Variants in PIGK observed in about 807,000 individuals in gnomAD.
PIGK encodes the protein GPI-anchor transamidase.
A neutral mutation model predicts 50.6 loss-of-function variants in PIGK; 42 were observed. The ratio of observed to expected loss-of-function variants is 0.83; its 90% CI spans 0.65 to 1.07. The LOEUF is 1.07. Ranked by LOEUF, PIGK falls within the 50% of genes least tolerant of loss-of-function variation. The probability of loss-of-function intolerance (pLI) is 0.00; values close to 1 mark genes in which losing one functional copy is unlikely to be tolerated. For synonymous variants in PIGK, 151 were observed against 156.0 expected (o/e 0.97, Z 0.24); for missense variants, 448 against 488.7 (o/e 0.92, Z 0.78).
At position 77,218,067 on chromosome 1, in the gene PIGK, A is replaced by G. The variant is rs561759706; in HGVS notation, c.93+1243T>C. On this transcript the variant is annotated intron_variant, in intron 1 of 10. Transcript: ENST00000370812. ...TAAATATATATGAAGTTCATGCTCA[A>G]TATCTTTTTTTAACTGATAGGGTGT... is the stretch of plus-strand genomic sequence containing the variant. Among the ~76,000 whole-genome samples the G allele has an allele frequency of 6.6e-5, 10 of 152,280 alleles. No individual in the cohort carries two copies. In the South Asian group the frequency reaches 2.1e-3, roughly 32 times the overall value.
intron 3 of PIGK, among the ~76,000 whole-genome samples, chr1:77,186,437 TG>T (rs1241597499): frequency 6.6e-6 from 1 of 152,242 alleles, no homozygotes; most frequent in African/African-American, 2.4e-5. Flanking sequence ...TACTGATTCA[TG>T]GGCTGTAGCC....
In PIGK at chr1:77,134,699, T is replaced by A. The variant is rs553811453; in HGVS notation, c.987-12340A>T. ...ATTCTCAGTCCTCATTGCTTCTACA[T>A]CTGATATTTTTAAAAATACGATTTA... On this transcript the variant is annotated intron_variant, in intron 9 of 10. Coordinates refer to ENST00000370812, the MANE Select transcript of PIGK (RefSeq NM_005482.3). 2.3e-4 allele frequency among the ~76,000 whole-genome samples: 35 copies of A among 152,234 alleles called. No homozygotes were observed. In the East Asian group the frequency reaches 5.6e-3, roughly 24 times the overall value.
At chr1:77,127,510 G>A (rs184994054) in intron 9 of PIGK, among the ~76,000 whole-genome samples, 2 of 152,242 alleles carry the variant, frequency 1.3e-5, no homozygotes, top group African/African-American at 4.8e-5. Context: ...ACCAGCCTGG[G>A]TTACATAGTG....
At chr1:77,192,134 C>CA (rs563797637) in intron 3 of PIGK, among the ~76,000 whole-genome samples, 4,317 of 134,336 alleles carry the variant, frequency 0.032, 75 homozygotes, top group Middle Eastern at 0.039. Context: ...GACCCTGTCT[C>CA]AAAAAAAAAA....
At chr1:77,153,705 A>G (rs1654944298) in intron 9 of PIGK, 1 of 152,148 alleles carries the variant, frequency 6.6e-6, no homozygotes, top group Non-Finnish European at 1.5e-5. Context: ...TTATTCCTAC[A>G]ACATTCATAA....
chr1:77,195,072 T>C (rs1656000265), intron 3 of PIGK: 13 of 958,154 alleles, frequency 1.4e-5, no homozygotes, highest in South Asian at 2.5e-5. Context: ...ACACTGCCCA[T>C]AGCAGGAACA....
intron 10 of PIGK, among the ~76,000 whole-genome samples, chr1:77,109,960 C>G (rs1338346954): frequency 6.6e-6 from 1 of 152,096 alleles, no homozygotes; most frequent in African/African-American, 2.4e-5. Flanking sequence ...TTCTTACACA[C>G]CAATAACAGA....
chr1:77,153,673 C>T (rs1298792506), intron 9 of PIGK: 1 of 151,890 alleles, frequency 6.6e-6, no homozygotes, highest in Admixed American at 6.6e-5. Flanking sequence ...CAAAGAAAAG[C>T]ATCTTGTGCC....
chr1:77,214,414 C>CT (rs1385378084), intron 1 of PIGK, among the ~76,000 whole-genome samples: 1 of 152,084 alleles, frequency 6.6e-6, no homozygotes, highest in African/African-American at 2.4e-5. Flanking sequence ...ATATGACTGT[C>CT]TCAGTAGACA....
rs780400967 is a variant in PIGK at position 77,122,228 on chromosome 1, C to A, written c.1071+47G>T. On this transcript the variant is annotated intron_variant, in intron 10 of 10. Coordinates refer to ENST00000370812, the MANE Select transcript of PIGK (RefSeq NM_005482.3). ...CCTAACAAAAGCAATTACTTCTCAG[C>A]GATTAAAAATCTTGTTTCTTTCAAA... 136 of 1,198,982 alleles carry A rather than the reference C, an allele frequency of 1.1e-4. 1 individual carries two copies. The highest frequency in any genetic ancestry group is 1.9e-4 in the Middle Eastern group (1 of 5,250). 74.3% of individuals were successfully genotyped at this position (1,198,982 alleles called of 1,614,324 possible). A position where few individuals can be genotyped will look rare whatever the true frequency, so the allele number is the denominator to read the frequency against.
intron 3 of PIGK, among the ~76,000 whole-genome samples, chr1:77,187,670 TTAG>T (rs2100573299): frequency 6.6e-6 from 1 of 152,324 alleles, no homozygotes; most frequent in African/African-American, 2.4e-5. Flanking sequence ...AGGGCATTTC[TTAG>T]TATTATCACG....
At chr1:77,124,196 T>C (rs1654172454) in intron 9 of PIGK, among the ~76,000 whole-genome samples, 1 of 152,180 alleles carries the variant, frequency 6.6e-6, no homozygotes, top group African/African-American at 2.4e-5. Context: ...TAGCATTAGA[T>C]ATTTTTACCT....
intron 3 of PIGK, among the ~76,000 whole-genome samples, chr1:77,187,958 T>C (rs548662312): frequency 3.3e-5 from 5 of 152,360 alleles, no homozygotes; most frequent in Admixed American, 1.3e-4. Context: ...TGGACACTTA[T>C]CACTTCCCCA....
chr1:77,215,528 CA>C (rs1656539122), intron 1 of PIGK, among the ~76,000 whole-genome samples: 1 of 152,040 alleles, frequency 6.6e-6, no homozygotes, highest in South Asian at 2.1e-4. Context: ...TCAAAACACT[CA>C]AAATAAAACT....
chr1:77,138,589 C>T (rs763144408), intron 9 of PIGK, among the ~76,000 whole-genome samples: 2 of 152,216 alleles, frequency 1.3e-5, no homozygotes, highest in South Asian at 4.1e-4. Flanking sequence ...TGTACGCACA[C>T]TTCCAACCTA....
At chr1:77,147,332 G>C (rs548542517) in intron 9 of PIGK, among the ~76,000 whole-genome samples, 1 of 151,680 alleles carries the variant, frequency 6.6e-6, no homozygotes, top group African/African-American at 2.4e-5. Context: ...ATTTGGGTGG[G>C]GACACAGAGC....
intron 9 of PIGK, among the ~76,000 whole-genome samples, chr1:77,149,830 A>AGATAT (rs1654854068): frequency 6.6e-6 from 1 of 152,186 alleles, no homozygotes; most frequent in African/African-American, 2.4e-5. Flanking sequence ...TATCCAGGAT[A>AGATAT]GACCATATGT....
chr1:77,192,372 G>T (rs1056504584), intron 3 of PIGK, among the ~76,000 whole-genome samples: 14 of 152,064 alleles, frequency 9.2e-5, no homozygotes, highest in African/African-American at 3.4e-4. Context: ...CAATATAATG[G>T]TGTTCATTCT....
In PIGK at chr1:77,219,326, G is replaced by A. The variant is rs779903171; in HGVS notation, c.77C>T (p.Ala26Val). ...TVLLLSFGSV[A>V]ASHIEDQAEQ... ...GACTCCTACCTCGATATGACTAGCGGCCACGCTGCCGAAGGACAAGAGCAA... is the reference window on the plus strand; with the variant it reads ...GACTCCTACCTCGATATGACTAGCGACCACGCTGCCGAAGGACAAGAGCAA... Residue 26 changes from alanine to valine, a missense_variant, in exon 1 of 11, where the codon GCC becomes GTC. By Grantham distance (64) the Ala-to-Val change is moderately conservative. Transcript: ENST00000370812. The A allele has an allele frequency of 1.2e-6, 2 of 1,613,632 alleles. No homozygotes were observed. Among genetic ancestry groups the A allele is most frequent in the South Asian group, 1.1e-5 (1 of 91,010 alleles).
Sources: gnomAD v4.1 joint callset for allele counts (sites outside exome capture counted in the v4.1 genomes callset) on GRCh38, gnomAD v4.1.1 for gene constraint, MANE v1.5 for transcripts, NCBI Gene and HGNC (gene_info 2026-07-23, HGNC 2026-07-21) for gene names.